The following LSAMP variants were observed in gnomAD, a reference collection of about 807,000 sequenced individuals.
LSAMP encodes the protein limbic system-associated membrane protein.
A neutral mutation model predicts 38.6 loss-of-function variants in LSAMP; 7 were observed. The observed-to-expected ratio is 0.18, with a 90% confidence interval of 0.10 to 0.34. The LOEUF (loss-of-function observed/expected upper bound fraction) is 0.34. Ranked by LOEUF, LSAMP falls within the 10% of genes least tolerant of loss-of-function variation. The probability of loss-of-function intolerance (pLI) is 1.00; values close to 1 mark genes in which losing one functional copy is unlikely to be tolerated. For synonymous variants in LSAMP, 154 were observed against 166.8 expected, an observed-to-expected ratio of 0.92 and a Z score of 0.59; for missense variants, 313 against 420.0, an observed-to-expected ratio of 0.75 and a Z score of 2.23.
chr3:115,821,904 C>A (rs1295806790), intron 6 of LSAMP, among the ~76,000 whole-genome samples: 1 of 152,136 alleles, frequency 6.6e-6, no homozygotes, highest in Non-Finnish European at 1.5e-5. Flanking sequence ...TGCCCTCTGA[C>A]TTCTGTTTAT....
At chr3:115,825,273 C>G (rs183599098) in intron 6 of LSAMP, among the ~76,000 whole-genome samples, 95 of 152,272 alleles carry the variant, frequency 6.2e-4, no homozygotes, top group African/African-American at 2.2e-3. Context: ...CAGTGCAGAA[C>G]TTGGTAAATG....
At chr3:115,947,839 G>A (rs1224171382) in intron 3 of LSAMP, among the ~76,000 whole-genome samples, 5 of 152,164 alleles carry the variant, frequency 3.3e-5, no homozygotes, top group African/African-American at 4.8e-5. Flanking sequence ...TATTGACTGT[G>A]TTTCTGTGCA....
chr3:116,009,224 G>C (rs980384503), intron 3 of LSAMP, among the ~76,000 whole-genome samples: 6 of 152,012 alleles, frequency 3.9e-5, no homozygotes, highest in African/African-American at 1.4e-4. Context: ...AAACTATTTT[G>C]TTCTGAAGAT....
chr3:116,412,510 T>C (rs2048993631), intron 1 of LSAMP, among the ~76,000 whole-genome samples: 1 of 152,022 alleles, frequency 6.6e-6, no homozygotes, highest in Admixed American at 6.6e-5. Context: ...TCAATGAAAA[T>C]AGGTTTTTAA....
intron 1 of LSAMP, among the ~76,000 whole-genome samples, chr3:116,209,272 C>T (rs977428532): frequency 2.0e-5 from 3 of 152,218 alleles, no homozygotes; most frequent in East Asian, 1.9e-4. Context: ...GCACGGTGCG[C>T]GCACCCACTG....
intron 1 of LSAMP, among the ~76,000 whole-genome samples, chr3:116,305,961 C>G (rs1237590095): frequency 6.8e-6 from 1 of 146,064 alleles, no homozygotes; most frequent in Non-Finnish European, 1.5e-5. Context: ...TATATAATCA[C>G]TTTATCTTCA....
In LSAMP at chr3:115,804,233, C is replaced by A. The variant is rs1385527024; in HGVS notation, c.*6084G>T. Reference sequence around the variant, plus strand: ...AATACAGAGACCAAACTAGAGATAACAAACAGCTGCTGTTTACAAACAGTG... The same window carrying A: ...AATACAGAGACCAAACTAGAGATAAAAAACAGCTGCTGTTTACAAACAGTG... On this transcript the variant is annotated 3_prime_UTR_variant, in exon 7 of 7. Transcript: ENST00000490035. The A allele has an allele frequency of 6.6e-6, 1 of 152,176 alleles. No individual in the cohort carries two copies. The highest frequency in any genetic ancestry group is 1.5e-5 in the Non-Finnish European group (1 of 68,022). 9.4% of individuals were successfully genotyped at this position (152,176 alleles called of 1,614,324 possible).
rs1160459374 is a variant in LSAMP at position 116,268,914 on chromosome 3, A to G, written c.155+175963T>C. ...GTCGGTGAAATAGCAGTCCAACCAGATTAAAGAATCTAGGTAACATCATGT... is the reference window on the plus strand; with the variant it reads ...GTCGGTGAAATAGCAGTCCAACCAGGTTAAAGAATCTAGGTAACATCATGT... On this transcript the variant is annotated intron_variant, in intron 1 of 6. Coordinates refer to ENST00000490035, the MANE Select transcript of LSAMP (RefSeq NM_002338.5). Among the ~76,000 whole-genome samples the G allele has an allele frequency of 2.6e-5, 4 of 152,148 alleles. No individual in the cohort carries two copies. In the East Asian group the frequency reaches 7.7e-4, roughly 29 times the overall value.
intron 2 of LSAMP, among the ~76,000 whole-genome samples, chr3:116,043,971 A>G (rs1351899597): frequency 1.3e-5 from 2 of 152,190 alleles, no homozygotes; most frequent in Non-Finnish European, 2.9e-5. Flanking sequence ...TAAAAATTAA[A>G]GAAAAATTCT....
intron 2 of LSAMP, among the ~76,000 whole-genome samples, chr3:116,024,721 G>A (rs565187136): frequency 8.6e-5 from 13 of 151,766 alleles, no homozygotes; most frequent in South Asian, 2.1e-4. Flanking sequence ...ATAACATCAG[G>A]TGGCAATTCA....
chr3:116,328,832 A>T (rs867828024), intron 1 of LSAMP, among the ~76,000 whole-genome samples: 1 of 152,164 alleles, frequency 6.6e-6, no homozygotes, highest in Non-Finnish European at 1.5e-5. Context: ...AAATTAATGT[A>T]TAGTTTCTAT....
At chr3:116,000,096 T>C (rs1268142915) in intron 3 of LSAMP, among the ~76,000 whole-genome samples, 1 of 152,174 alleles carries the variant, frequency 6.6e-6, no homozygotes, top group African/African-American at 2.4e-5. Context: ...AATTACCCAG[T>C]ATCAAGAGAA....
rs555989870 is a variant in LSAMP, at chr3:116,246,652, A to T, written c.156-160096T>A. 5.9e-5 allele frequency among the ~76,000 whole-genome samples: 9 copies of T among 152,312 alleles called. No homozygotes were observed. The East Asian group carries it at 1.7e-3, about 29-fold the overall frequency. On this transcript the variant is annotated intron_variant, in intron 1 of 6. Transcript: ENST00000490035. Reference sequence around the variant, plus strand: ...ACCGTGATAAACAACCCAACTGCACATCATTCTCTTAGCTCCACAAGCACC... The same window carrying T: ...ACCGTGATAAACAACCCAACTGCACTTCATTCTCTTAGCTCCACAAGCACC...
chr3:116,317,360 T>C (rs113518199), intron 1 of LSAMP, among the ~76,000 whole-genome samples: 7,567 of 150,250 alleles, frequency 0.05, 595 homozygotes, highest in African/African-American at 0.17. Context: ...TTCTTTCTTT[T>C]TTTTTTTTTT....
intron 2 of LSAMP, among the ~76,000 whole-genome samples, chr3:116,074,371 CCTTAA>C (rs1409072795): frequency 2.0e-5 from 3 of 152,110 alleles, no homozygotes; most frequent in South Asian, 4.1e-4. Context: ...CATGAAATGA[CCTTAA>C]CTTAACTATC....
At chr3:116,316,778 G>GAAAAAAA (rs35294836) in intron 1 of LSAMP, among the ~76,000 whole-genome samples, 17 of 119,012 alleles carry the variant, frequency 1.4e-4, no homozygotes, top group Admixed American at 2.8e-4. Flanking sequence ...CTCAAAAAAA[G>GAAAAAAA]AAAAAAAAAA....
chr3:116,248,089 A>T (rs962984383), intron 1 of LSAMP, among the ~76,000 whole-genome samples: 1 of 152,178 alleles, frequency 6.6e-6, no homozygotes, highest in Non-Finnish European at 1.5e-5. Context: ...TGTGCCAGGT[A>T]ATGTGTTACG....
chr3:116,279,169 G>A (rs1207710999), intron 1 of LSAMP, among the ~76,000 whole-genome samples: 1 of 152,156 alleles, frequency 6.6e-6, no homozygotes, highest in African/African-American at 2.4e-5. Context: ...GGGAAAGAGA[G>A]GGACAGAGGG....
chr3:115,849,636 A>G (rs1166637432), intron 4 of LSAMP, among the ~76,000 whole-genome samples: 1 of 152,192 alleles, frequency 6.6e-6, no homozygotes, highest in Non-Finnish European at 1.5e-5. Flanking sequence ...CATGGCCGGT[A>G]GGATTAGATG....
Sources: allele counts gnomAD v4.1 joint callset (sites outside exome capture counted in the v4.1 genomes callset), GRCh38; gene constraint gnomAD v4.1.1; transcripts MANE v1.5; gene names NCBI Gene and HGNC (gene_info 2026-07-23, HGNC 2026-07-21).